NECTIN3: variants seen among roughly 807,000 people sequenced by gnomAD.
NECTIN3 encodes the protein nectin cell adhesion molecule 3.
In NECTIN3, 8 loss-of-function variants were observed where a neutral mutation model predicts 49.4. That is an observed-to-expected ratio of 0.16 (90% confidence interval 0.10 to 0.29). NECTIN3 has a LOEUF of 0.29. NECTIN3 is among the 10% of genes least tolerant of loss of function. NECTIN3 has a pLI of 1.00. For synonymous variants in NECTIN3, 277 were observed against 241.1 expected, an observed-to-expected ratio of 1.15 and a Z score of -1.38; for missense variants, 581 against 654.6, an observed-to-expected ratio of 0.89 and a Z score of 1.23.
downstream of NECTIN3, among the ~76,000 whole-genome samples, chr3:111,138,703 T>C (rs1429462927): frequency 6.6e-6 from 1 of 151,716 alleles, no homozygotes; most frequent in East Asian, 1.9e-4. Flanking sequence ...TTTTTCTGGC[T>C]GGTTGCTAAT....
intron 1 of NECTIN3, chr3:111,072,559 A>T (rs1156867274): frequency 6.5e-7 from 1 of 1,535,620 alleles, no homozygotes; most frequent in Non-Finnish European, 8.7e-7. Flanking sequence ...TTCCCGGTGA[A>T]ACTTGAGCTG....
chr3:111,186,257 A>G (rs891494421), intron 7 of NECTIN3, among the ~76,000 whole-genome samples: 3 of 152,144 alleles, frequency 2.0e-5, no homozygotes, highest in Non-Finnish European at 2.9e-5. Context: ...CAAGGCAATC[A>G]TAAACAAAAA....
At chr3:111,108,857 A>G (rs2033328965) in intron 1 of NECTIN3, among the ~76,000 whole-genome samples, 1 of 152,170 alleles carries the variant, frequency 6.6e-6, no homozygotes, top group Admixed American at 6.5e-5. Flanking sequence ...CACTCCCATG[A>G]CCCAAATACC....
chr3:111,144,820 G>A (rs1259626508), intron 5 of NECTIN3: 2 of 1,420,178 alleles, frequency 1.4e-6, no homozygotes, highest in Admixed American at 2.2e-5. Flanking sequence ...CAAATAGTTT[G>A]CACATTGTAG....
intron 7 of NECTIN3, among the ~76,000 whole-genome samples, chr3:111,155,762 A>G (rs1373568090): frequency 6.6e-6 from 1 of 152,154 alleles, no homozygotes; most frequent in Non-Finnish European, 1.5e-5. Flanking sequence ...CTTTTGAGAG[A>G]ATAAAAATTA....
Position 111,129,154 on chromosome 3 carries a change from A to G in NECTIN3, c.1069+2819A>G, listed in dbSNP as rs570054931. On this transcript the variant is annotated intron_variant, in intron 5 of 5. Transcript: ENST00000485303. ...ACTGCCTGGAATGCTTTTACCAGGT[A>G]TCATCAGAGTTCTTTACCTCACTTC... Among the ~76,000 whole-genome samples the G allele has an allele frequency of 3.3e-5, 5 of 152,266 alleles. No homozygotes were observed. In the East Asian group the frequency reaches 7.7e-4, roughly 24 times the overall value.
intron 7 of NECTIN3, among the ~76,000 whole-genome samples, chr3:111,160,968 C>T (rs530746444): frequency 1.3e-5 from 2 of 152,164 alleles, no homozygotes; most frequent in African/African-American, 2.4e-5. Context: ...GGTTGCGCCA[C>T]TGCACTCCAG....
At chr3:111,139,377 A>G (rs1461814679), downstream of NECTIN3, among the ~76,000 whole-genome samples, 1 of 151,690 alleles carries the variant, frequency 6.6e-6, no homozygotes, top group Admixed American at 6.6e-5. Flanking sequence ...TCTTAAAGAA[A>G]CTGCTTCATT....
chr3:111,127,469 T>C (rs1384231105), intron 5 of NECTIN3, among the ~76,000 whole-genome samples: 2 of 150,686 alleles, frequency 1.3e-5, no homozygotes, highest in Admixed American at 6.6e-5. Flanking sequence ...AACTTTCTTT[T>C]TTTTTTTTTT....
At chr3:111,167,755 C>T (rs1264079614) in intron 7 of NECTIN3, among the ~76,000 whole-genome samples, 1 of 152,140 alleles carries the variant, frequency 6.6e-6, no homozygotes, top group Non-Finnish European at 1.5e-5. Context: ...TTTATATACA[C>T]ATCTGCTCCA....
At chr3:111,187,284 T>C (rs2035738451) in intron 7 of NECTIN3, among the ~76,000 whole-genome samples, 1 of 152,166 alleles carries the variant, frequency 6.6e-6, no homozygotes, top group African/African-American at 2.4e-5. Context: ...GTGCCTGTAG[T>C]CCCAGCTACT....
chr3:111,103,566 T>A (rs1400678606), intron 1 of NECTIN3, among the ~76,000 whole-genome samples: 2 of 151,898 alleles, frequency 1.3e-5, no homozygotes, highest in Non-Finnish European at 2.9e-5. Flanking sequence ...AGAAAGGAAG[T>A]TTTATTTCTT....
chr3:111,133,392 G>A lies in NECTIN3; in HGVS notation c.1070-243G>A, dbSNP rs189485943. On this transcript the variant is annotated intron_variant, in intron 5 of 5. Coordinates refer to ENST00000485303, the MANE Select transcript of NECTIN3 (RefSeq NM_015480.3). Reference sequence around the variant, plus strand: ...CTTGGAATGGAAGAATTACAACATAGGTTTACACCATAGGTTTTATTCCTT... The same window carrying A: ...CTTGGAATGGAAGAATTACAACATAAGTTTACACCATAGGTTTTATTCCTT... Among the ~76,000 whole-genome samples, 725 of 151,822 alleles carry A rather than the reference G, an allele frequency of 4.8e-3. 3 individuals are homozygous for A. Among genetic ancestry groups the A allele is most frequent in the Non-Finnish European group, 6.4e-3 (437 of 67,894 alleles).
At chr3:111,151,468 G>T (rs941818752) in intron 7 of NECTIN3, among the ~76,000 whole-genome samples, 7 of 151,874 alleles carry the variant, frequency 4.6e-5, no homozygotes, top group African/African-American at 1.4e-4. Flanking sequence ...AGAGACTATA[G>T]AAATATTTTT....
intron 1 of NECTIN3, 111 bp downstream of exon 1, chr3:111,072,288 C>G: frequency 1.4e-6 from 2 of 1,448,474 alleles, no homozygotes; most frequent in Non-Finnish European, 1.8e-6. Flanking sequence ...GTTGGTTGTG[C>G]GAGCGAGTGC....
chr3:111,081,327 C>G (rs1003452268), intron 1 of NECTIN3, among the ~76,000 whole-genome samples: 3 of 152,162 alleles, frequency 2.0e-5, no homozygotes, highest in African/African-American at 4.8e-5. Flanking sequence ...AAACCACAAC[C>G]CTACAAAGCA....
rs530389737 is a variant in NECTIN3, at chr3:111,121,303, G to A, written c.800-818G>A. Reference sequence around the variant, plus strand: ...GCTGGGATTACAGGCGTGAGCCCCCGCGCTGGGCCAAAACAGTGTATTATT... The same window carrying A: ...GCTGGGATTACAGGCGTGAGCCCCCACGCTGGGCCAAAACAGTGTATTATT... On this transcript the variant is annotated intron_variant, in intron 3 of 5. Coordinates refer to ENST00000485303, the MANE Select transcript of NECTIN3 (RefSeq NM_015480.3). 3.3e-5 allele frequency among the ~76,000 whole-genome samples: 5 copies of A among 151,776 alleles called. No homozygotes were observed. The South Asian group carries it at 6.2e-4, about 19-fold the overall frequency.
At chr3:111,180,504 C>T (rs536270664) in intron 7 of NECTIN3, among the ~76,000 whole-genome samples, 232 of 152,182 alleles carry the variant, frequency 1.5e-3, no homozygotes, top group South Asian at 4.8e-3. Context: ...GATCCTGAAA[C>T]AAAGTCGACC....
chr3:111,147,070 T>C (rs141874721), intron 6 of NECTIN3, among the ~76,000 whole-genome samples: 1 of 152,274 alleles, frequency 6.6e-6, no homozygotes, highest in African/African-American at 2.4e-5. Flanking sequence ...ATTGAGACTC[T>C]AAAATGTTGA....
Sources: gnomAD v4.1 joint callset for allele counts (sites outside exome capture counted in the v4.1 genomes callset) on GRCh38, gnomAD v4.1.1 for gene constraint, MANE v1.5 for transcripts, NCBI Gene and HGNC (gene_info 2026-07-23, HGNC 2026-07-21) for gene names.